The following PDE1C variants were observed in gnomAD, a reference collection of about 807,000 sequenced individuals.
PDE1C encodes the protein dual specificity calcium/calmodulin-dependent 3',5'-cyclic nucleotide phosphodiesterase 1C.
Under a neutral mutation model 93.1 loss-of-function variants are expected in PDE1C, and 62 were observed. The observed-to-expected ratio is 0.67, with a 90% CI of 0.54 to 0.82. The LOEUF is 0.82. Ranked by LOEUF, PDE1C falls within the 40% of genes least tolerant of loss-of-function variation. The pLI is 0.00. For missense variants in PDE1C, 742 were observed against 884.6 expected (o/e 0.84, Z 2.04); for synonymous variants, 325 against 310.1 (o/e 1.05, Z -0.50).
At chr7:31,734,303 C>T in the PDE1C span, among the ~76,000 whole-genome samples, 1 of 152,026 alleles carries the variant, frequency 6.6e-6, no homozygotes, top group African/African-American at 2.4e-5. Context: ...CTCTAGGGCC[C>T]CCCTCTTTCA....
chr7:32,014,465 T>A lies in PDE1C; in HGVS notation c.128+37089A>T, dbSNP rs1233237442. Among the ~76,000 whole-genome samples, 4 of 145,628 alleles carry A rather than the reference T, an allele frequency of 2.7e-5. No homozygotes were observed. The Admixed American group carries it at 2.8e-4, about 10-fold the overall frequency. On this transcript the variant is annotated intron_variant, in intron 2 of 17. Transcript: ENST00000396191. The stretch of plus-strand genomic sequence containing the variant: ...GTCTTGAAGAAATATATGTCTTTTT[T>A]TTTATTTATTTTAAGTTCTGGGATA...
chr7:32,269,148 C>T (rs1245591526), intron 1 of PDE1C, among the ~76,000 whole-genome samples: 1 of 152,200 alleles, frequency 6.6e-6, no homozygotes, highest in Non-Finnish European at 1.5e-5. Flanking sequence ...ATACAGGAAG[C>T]AACCTCAATG....
intron 3 of PDE1C, among the ~76,000 whole-genome samples, chr7:32,100,552 T>G (rs189797140): frequency 1.3e-5 from 2 of 152,244 alleles, no homozygotes; most frequent in African/African-American, 2.4e-5. Context: ...TAAGGCAGTG[T>G]AAATGCCGTT....
chr7:31,756,950 C>A (rs1794506440), intron 17 of PDE1C, among the ~76,000 whole-genome samples: 1 of 152,224 alleles, frequency 6.6e-6, no homozygotes, highest in Non-Finnish European at 1.5e-5. Context: ...AGGTCAGGGA[C>A]CCATCTGTCC....
At chr7:32,112,872 A>ATACATATATATCTCAAACTCCTGCCTGC (rs1798752047) in intron 3 of PDE1C, among the ~76,000 whole-genome samples, 1 of 138,510 alleles carries the variant, frequency 7.2e-6, no homozygotes, top group African/African-American at 2.7e-5. Context: ...ATATATATAT[A>ATACATATATATCTCAAACTCCTGCCTGC]TCTCAAACTC....
the PDE1C span, among the ~76,000 whole-genome samples, chr7:31,685,240 A>C: frequency 1.3e-5 from 2 of 152,204 alleles, no homozygotes; most frequent in African/African-American, 4.8e-5. Flanking sequence ...GAGTTTAAAA[A>C]GTGATTGGGA....
intron 1 of PDE1C, among the ~76,000 whole-genome samples, chr7:32,232,772 G>A (rs1807801129): frequency 6.6e-6 from 1 of 152,150 alleles, no homozygotes; most frequent in Non-Finnish European, 1.5e-5. Context: ...ATCCCAGACT[G>A]ACTACTAAGT....
intron 1 of PDE1C, among the ~76,000 whole-genome samples, chr7:32,055,373 C>G (rs1793931976): frequency 6.6e-6 from 1 of 152,050 alleles, no homozygotes; most frequent in Non-Finnish European, 1.5e-5. Flanking sequence ...CTCCTGCAAA[C>G]CCTGAGAGGT....
intron 1 of PDE1C, among the ~76,000 whole-genome samples, chr7:32,312,798 A>G (rs1314291700): frequency 6.6e-6 from 1 of 152,184 alleles, no homozygotes; most frequent in Admixed American, 6.5e-5. Context: ...AACCATAAAA[A>G]CCCTAGAAGA....
chr7:32,191,324 G>A (rs1804213670), intron 2 of PDE1C, among the ~76,000 whole-genome samples: 1 of 142,592 alleles, frequency 7.0e-6, no homozygotes, highest in Non-Finnish European at 1.6e-5. Context: ...AATTTACAAA[G>A]ATTTCCATCA....
intron 3 of PDE1C, among the ~76,000 whole-genome samples, chr7:32,087,565 A>G (rs548192893): frequency 2.0e-5 from 3 of 152,172 alleles, no homozygotes; most frequent in Admixed American, 6.5e-5. Flanking sequence ...TGTTTATTGC[A>G]GCACTATTCA....
At chr7:31,973,866 A>G (rs1268852258) in intron 2 of PDE1C, among the ~76,000 whole-genome samples, 2 of 152,224 alleles carry the variant, frequency 1.3e-5, no homozygotes, top group Admixed American at 1.3e-4. Flanking sequence ...GTAGTATAGA[A>G]TCAACAACCA....
chr7:32,010,215 G>C (rs553743521), intron 2 of PDE1C, among the ~76,000 whole-genome samples: 5 of 152,022 alleles, frequency 3.3e-5, no homozygotes, highest in African/African-American at 9.6e-5. Flanking sequence ...AAGAACAAAG[G>C]GGAACTAAAA....
the PDE1C span, among the ~76,000 whole-genome samples, chr7:31,660,499 A>T: frequency 7.1e-6 from 1 of 141,604 alleles, no homozygotes; most frequent in South Asian, 2.5e-4. Flanking sequence ...CTGAAAATTG[A>T]TTGTGTTCCT....
intron 3 of PDE1C, among the ~76,000 whole-genome samples, chr7:32,162,059 G>A (rs961767615): frequency 1.3e-5 from 2 of 152,184 alleles, no homozygotes; most frequent in South Asian, 2.1e-4. Context: ...CCTTCTGTAT[G>A]AAGGTCAACA....
rs182891837 is a variant in PDE1C at position 32,249,067 on chromosome 7, T to G, written c.86-39528A>C. ...AAAATCCAGGACCACTATAAAGATG[T>G]TCAATGGTCAAAGGTATCAGGAAGG... On this transcript the variant is annotated intron_variant, in intron 1 of 18. Coordinates refer to the PDE1C transcript ENST00000396193. Among the ~76,000 whole-genome samples, 362 of 152,070 alleles carry G rather than the reference T, an allele frequency of 2.4e-3. 1 individual carries two copies. The highest frequency in any genetic ancestry group is 8.0e-3 in the African/African-American group (332 of 41,482).
At chr7:32,395,948 T>C (rs1244565991) in intron 1 of PDE1C, among the ~76,000 whole-genome samples, 2 of 152,206 alleles carry the variant, frequency 1.3e-5, no homozygotes, top group Non-Finnish European at 2.9e-5. Context: ...TCTTTTTGGA[T>C]AGACAACATA....
intron 2 of PDE1C, among the ~76,000 whole-genome samples, chr7:32,194,523 C>T (rs954693113): frequency 2.0e-5 from 3 of 152,172 alleles, no homozygotes; most frequent in Non-Finnish European, 4.4e-5. Context: ...TCCTTGTAGG[C>T]TGACCCTTTT....
chr7:31,618,078 G>C, the PDE1C span, among the ~76,000 whole-genome samples: 7 of 152,152 alleles, frequency 4.6e-5, no homozygotes, highest in African/African-American at 1.7e-4. Flanking sequence ...AGCCTATCAG[G>C]TTCACAGACT....
Sources: allele counts gnomAD v4.1 joint callset (sites outside exome capture counted in the v4.1 genomes callset), GRCh38; gene constraint gnomAD v4.1.1; transcripts MANE v1.5; gene names NCBI Gene and HGNC (gene_info 2026-07-23, HGNC 2026-07-21).